The following EPB41L4B variants were observed in gnomAD, a reference collection of about 807,000 sequenced individuals.
The protein encoded by EPB41L4B is erythrocyte membrane protein band 4.1 like 4B.
EPB41L4B carries 30 observed loss-of-function variants against 112.5 expected under a neutral mutation model. That is an observed-to-expected ratio of 0.27 (90% CI 0.20 to 0.36). EPB41L4B has a LOEUF of 0.36. Ranked by LOEUF, EPB41L4B falls within the 10% of genes least tolerant of loss-of-function variation. The probability of loss-of-function intolerance (pLI) is 1.00; values close to 1 mark genes in which losing one functional copy is unlikely to be tolerated. For synonymous variants in EPB41L4B, 408 were observed against 439.7 expected, an observed-to-expected ratio of 0.93 and a Z score of 0.90; for missense variants, 1,024 against 1,133.3, an observed-to-expected ratio of 0.90 and a Z score of 1.38.
chr9:109,320,217 G>T lies in EPB41L4B; in HGVS notation c.230C>A (p.Ala77Asp). The change falls in exon 1 of 26, where the codon GCC becomes GAC. Residue 77 changes from alanine to aspartate, a missense_variant. Physicochemically the swap from Ala to Asp is moderately radical, Grantham distance 126. Coordinates refer to ENST00000374566, the MANE Select transcript of EPB41L4B (RefSeq NM_019114.5). ...GAGGGTGGCCTTGGCGGCGCCGGCG[G>T]CGGAGATGTGCACGGCCGCGCCGCC... is the stretch of plus-strand genomic sequence containing the variant. ...LTGGAAVHIS[A>D]AGAAKATLYC... is the part of the protein sequence containing the mutation. 6 of 1,421,532 alleles carry T rather than the reference G, an allele frequency of 4.2e-6. No individual in the cohort carries two copies. The highest frequency in any genetic ancestry group is 5.5e-6 in the Non-Finnish European group (6 of 1,082,780). 88.1% of individuals were successfully genotyped at this position (1,421,532 alleles called of 1,614,324 possible).
chr9:109,220,521 G>A (rs936927047), intron 15 of EPB41L4B, among the ~76,000 whole-genome samples: 13 of 152,234 alleles, frequency 8.5e-5, no homozygotes, highest in African/African-American at 2.9e-4. Context: ...ATGGAGTGAG[G>A]TGAACTGCCT....
At chr9:109,243,740 A>G (rs1834437786) in intron 14 of EPB41L4B, 58 bp from the exon 15 acceptor site, 1 of 1,560,894 alleles carries the variant, frequency 6.4e-7, no homozygotes, top group African/African-American at 1.4e-5. Flanking sequence ...AATGGTCCTC[A>G]TTCGCTTTGT....
chr9:109,286,565 G>A (rs924748807), intron 1 of EPB41L4B, among the ~76,000 whole-genome samples: 12 of 152,082 alleles, frequency 7.9e-5, no homozygotes, highest in African/African-American at 2.7e-4. Flanking sequence ...TTGCCTTATC[G>A]TTACCCAGGT....
chr9:109,319,253 G>A (rs1837748145), intron 1 of EPB41L4B, among the ~76,000 whole-genome samples: 1 of 152,238 alleles, frequency 6.6e-6, no homozygotes, highest in Non-Finnish European at 1.5e-5. Flanking sequence ...GCGGACCGCA[G>A]CGCCGGCCCA....
At chr9:109,273,689 G>A (rs1348549995) in intron 2 of EPB41L4B, among the ~76,000 whole-genome samples, 1 of 152,106 alleles carries the variant, frequency 6.6e-6, no homozygotes, top group African/African-American at 2.4e-5. Context: ...CCACCTCAGA[G>A]CACGGGCACC....
intron 1 of EPB41L4B, among the ~76,000 whole-genome samples, chr9:109,309,755 C>CAGAGAGAGAGAGAG (rs34950010): frequency 4.2e-5 from 6 of 142,136 alleles, no homozygotes; most frequent in African/African-American, 7.9e-5. Context: ...AATACACACA[C>CAGAGAGAGAGAGAG]AGAGAGAGAG....
chr9:109,319,726 C>T (rs529603977), intron 1 of EPB41L4B, among the ~76,000 whole-genome samples: 4 of 152,280 alleles, frequency 2.6e-5, no homozygotes, highest in Non-Finnish European at 4.4e-5. Flanking sequence ...GACGGCCTCA[C>T]ATTGATTTGA....
Position 109,172,481 on chromosome 9 carries a change from G to C in EPB41L4B, c.*2073C>G, listed in dbSNP as rs960932659. On this transcript the variant is annotated 3_prime_UTR_variant, in exon 26 of 26. Transcript: ENST00000374566. Reference sequence around the variant, plus strand: ...GGACCCAAACGCTACAATTGCCCCGGATAGCTCCACTGACAGAGCAGAGAG... The same window carrying C: ...GGACCCAAACGCTACAATTGCCCCGCATAGCTCCACTGACAGAGCAGAGAG... The C allele has an allele frequency of 6.6e-6, 1 of 152,216 alleles. No homozygotes were observed. Among genetic ancestry groups the C allele is most frequent in the Non-Finnish European group, 1.5e-5 (1 of 68,052 alleles). 9.4% of individuals were successfully genotyped at this position (152,216 alleles called of 1,614,324 possible).
intron 2 of EPB41L4B, among the ~76,000 whole-genome samples, chr9:109,270,953 C>G (rs1022306870): frequency 2.6e-4 from 40 of 152,288 alleles, no homozygotes; most frequent in African/African-American, 9.6e-4. Context: ...CCAGTGTGCC[C>G]GTTAAATATT....
At chr9:109,235,984 A>G (rs1044165245) in intron 15 of EPB41L4B, among the ~76,000 whole-genome samples, 16 of 152,224 alleles carry the variant, frequency 1.1e-4, no homozygotes, top group Non-Finnish European at 1.3e-4. Context: ...ACTTCACCTA[A>G]TCAGAGAACT....
chr9:109,175,854 T>G (rs1831806034), intron 25 of EPB41L4B, among the ~76,000 whole-genome samples: 1 of 152,176 alleles, frequency 6.6e-6, no homozygotes, highest in Non-Finnish European at 1.5e-5. Context: ...CGTAACCATG[T>G]CAGGCACATG....
At chr9:109,301,009 T>C (rs1268085711) in intron 1 of EPB41L4B, 1 of 152,188 alleles carries the variant, frequency 6.6e-6, no homozygotes, top group Non-Finnish European at 1.5e-5. Context: ...CCTATACTCA[T>C]AGCCACCATA....
intron 24 of EPB41L4B, among the ~76,000 whole-genome samples, chr9:109,181,116 A>G (rs1832036197): frequency 6.6e-6 from 1 of 152,112 alleles, no homozygotes; most frequent in Admixed American, 6.6e-5. Flanking sequence ...GGCTCCAGAG[A>G]TCCTCCCGCC....
chr9:109,200,337 A>G lies in EPB41L4B; in HGVS notation c.1947-3T>C. On this transcript the variant is annotated splice_region_variant and splice_polypyrimidine_tract_variant and intron_variant, in intron 19 of 25. Coordinates refer to ENST00000374566, the MANE Select transcript of EPB41L4B (RefSeq NM_019114.5). ...CCACACGAATAGGAATAGGACTTCTAGAGACACACCGAAAAACAGAACAAT... is the reference window on the plus strand; with the variant it reads ...CCACACGAATAGGAATAGGACTTCTGGAGACACACCGAAAAACAGAACAAT... The G allele has an allele frequency of 1.2e-5, 19 of 1,613,132 alleles. No individual in the cohort carries two copies. Among genetic ancestry groups the G allele is most frequent in the Non-Finnish European group, 1.6e-5 (19 of 1,179,104 alleles).
intron 22 of EPB41L4B, 40 bp downstream of exon 22, chr9:109,192,238 G>T: frequency 6.6e-7 from 1 of 1,524,506 alleles, no homozygotes; most frequent in Non-Finnish European, 9.0e-7. Context: ...TGTTTCTATG[G>T]TCTGTGACTT....
At chr9:109,287,772 C>G (rs994215232) in intron 1 of EPB41L4B, among the ~76,000 whole-genome samples, 3 of 152,016 alleles carry the variant, frequency 2.0e-5, no homozygotes, top group Non-Finnish European at 4.4e-5. Context: ...TAGCTGAGAC[C>G]ACAGGTGTAC....
intron 18 of EPB41L4B, among the ~76,000 whole-genome samples, chr9:109,206,192 TA>T (rs1832987066): frequency 6.6e-6 from 1 of 152,242 alleles, no homozygotes; most frequent in African/African-American, 2.4e-5. Flanking sequence ...TTTATTTGTT[TA>T]TTTTTTGTGA....
At chr9:109,228,375 G>A (rs1833853378) in intron 15 of EPB41L4B, among the ~76,000 whole-genome samples, 1 of 152,068 alleles carries the variant, frequency 6.6e-6, no homozygotes, top group South Asian at 2.1e-4. Flanking sequence ...TGGAATTCAT[G>A]TTCCAAAAAA....
intron 18 of EPB41L4B, among the ~76,000 whole-genome samples, chr9:109,205,254 C>T (rs1259575348): frequency 6.6e-6 from 1 of 152,154 alleles, no homozygotes; most frequent in Non-Finnish European, 1.5e-5. Context: ...TTCACACTCC[C>T]CTGCTTTTTT....
Sources: gnomAD v4.1 joint callset for allele counts (sites outside exome capture counted in the v4.1 genomes callset) on GRCh38, gnomAD v4.1.1 for gene constraint, MANE v1.5 for transcripts, NCBI Gene and HGNC (gene_info 2026-07-23, HGNC 2026-07-21) for gene names.